The following DNER variants were observed in gnomAD, a reference collection of about 807,000 sequenced individuals.
DNER encodes the protein delta and Notch-like epidermal growth factor-related receptor.
In DNER, 33 loss-of-function variants were observed where a neutral mutation model predicts 78.2. That is an observed-to-expected ratio of 0.42 (90% CI 0.32 to 0.56). DNER has a LOEUF of 0.56. Among genes scored for constraint, DNER ranks in the 20% least tolerant of loss-of-function variants. DNER has a pLI of 0.11. For synonymous variants in DNER, 417 were observed against 384.8 expected (o/e 1.08, Z -0.98); for missense variants, 918 against 975.3 (o/e 0.94, Z 0.78).
intron 1 of DNER, among the ~76,000 whole-genome samples, chr2:229,663,534 A>G (rs768700334): frequency 4.6e-5 from 7 of 152,214 alleles, no homozygotes; most frequent in Non-Finnish European, 1.0e-4. Flanking sequence ...AAAATCAGGC[A>G]TCCCTTTCTC....
Position 229,588,422 on chromosome 2 carries a change from AG to A in DNER, c.651del (p.Phe218LeufsTer19), listed in dbSNP as rs759554406. Reference sequence around the variant, plus strand: ...ACTGAGGTGTTCTGTGGCACTTCAAAGGATACCAGGCGGCCACCCGCAGAGC... The same window carrying A: ...ACTGAGGTGTTCTGTGGCACTTCAAAGATACCAGGCGGCCACCCGCAGAGC... ...SNSSAGGRLV[S>X]FEVPQNTSVK... On this transcript the variant is annotated frameshift_variant, in exon 3 of 13. Coordinates refer to ENST00000341772, the MANE Select transcript of DNER (RefSeq NM_139072.4). LOFTEE classifies it high-confidence loss of function. 1 of 1,591,728 alleles carries A rather than the reference AG, an allele frequency of 6.3e-7. No homozygotes were observed.
chr2:229,628,248 C>T (rs531638909), intron 1 of DNER, among the ~76,000 whole-genome samples: 10 of 152,234 alleles, frequency 6.6e-5, no homozygotes, highest in African/African-American at 2.4e-4. Context: ...AGTACCAGGG[C>T]ACCAGCTGTA....
intron 12 of DNER, among the ~76,000 whole-genome samples, chr2:229,361,520 G>A (rs1425804821): frequency 1.3e-5 from 2 of 152,108 alleles, no homozygotes; most frequent in Non-Finnish European, 2.9e-5. Context: ...GCACAACAAA[G>A]GCTGAGTTGA....
At chr2:229,569,038 G>T (rs1171373199) in intron 4 of DNER, among the ~76,000 whole-genome samples, 1 of 151,910 alleles carries the variant, frequency 6.6e-6, no homozygotes, top group Admixed American at 6.6e-5. Context: ...CCTATGGATG[G>T]ATGCGTATCT....
chr2:229,639,641 C>T (rs1459149156), intron 1 of DNER, among the ~76,000 whole-genome samples: 1 of 152,152 alleles, frequency 6.6e-6, no homozygotes, highest in African/African-American at 2.4e-5. Flanking sequence ...TTCCTAAATG[C>T]ATTATAAAAC....
chr2:229,480,135 C>T (rs1041565910), intron 6 of DNER, among the ~76,000 whole-genome samples: 3 of 152,176 alleles, frequency 2.0e-5, no homozygotes, highest in African/African-American at 4.8e-5. Flanking sequence ...CAATCACTTC[C>T]TTTTTACTTT....
At chr2:229,550,956 T>C (rs1186383174) in intron 4 of DNER, among the ~76,000 whole-genome samples, 3 of 152,154 alleles carry the variant, frequency 2.0e-5, no homozygotes, top group Non-Finnish European at 4.4e-5. Context: ...ACTTCCCAAA[T>C]ATTTTCAATG....
intron 5 of DNER, among the ~76,000 whole-genome samples, chr2:229,528,640 G>A (rs1376336856): frequency 6.6e-6 from 1 of 152,144 alleles, no homozygotes; most frequent in Non-Finnish European, 1.5e-5. Context: ...AGATGATTTT[G>A]TACAAATATG....
chr2:229,699,191 C>T (rs1699706562), intron 1 of DNER, among the ~76,000 whole-genome samples: 1 of 151,628 alleles, frequency 6.6e-6, no homozygotes, highest in Non-Finnish European at 1.5e-5. Context: ...GAACACACGA[C>T]AATTATTAAA....
At chr2:229,507,327 C>G (rs759574214) in intron 6 of DNER, among the ~76,000 whole-genome samples, 2 of 151,582 alleles carry the variant, frequency 1.3e-5, no homozygotes, top group Non-Finnish European at 2.9e-5. Context: ...TGTACATGTA[C>G]ATGTACATGA....
chr2:229,388,438 A>G (rs551547290), intron 10 of DNER, 42 bp from the exon 11 acceptor site: 14 of 1,539,738 alleles, frequency 9.1e-6, no homozygotes, highest in South Asian at 8.6e-5. Flanking sequence ...CGCTGCACCC[A>G]TGGTTCCTGT....
intron 5 of DNER, among the ~76,000 whole-genome samples, chr2:229,541,059 TAAC>T (rs1696503162): frequency 6.6e-6 from 1 of 152,204 alleles, no homozygotes; most frequent in South Asian, 2.1e-4. Context: ...TTGAAATGAT[TAAC>T]AACATAATCC....
chr2:229,609,510 A>C (rs141816294), intron 1 of DNER, among the ~76,000 whole-genome samples: 165 of 152,344 alleles, frequency 1.1e-3, no homozygotes, highest in Middle Eastern at 0.01. Context: ...TTCGTTTTAC[A>C]TATTATCTGG....
At chr2:229,401,437 C>T (rs1299735633) in intron 10 of DNER, among the ~76,000 whole-genome samples, 1 of 151,974 alleles carries the variant, frequency 6.6e-6, no homozygotes. Flanking sequence ...TTCCTTTCAA[C>T]AGGGGACTGG....
At chr2:229,465,224 T>C (rs1694779677) in intron 7 of DNER, among the ~76,000 whole-genome samples, 1 of 152,170 alleles carries the variant, frequency 6.6e-6, no homozygotes. Context: ...ATGTGGTACA[T>C]ATACACCATG....
chr2:229,380,552 A>G (rs2106332174), intron 11 of DNER, among the ~76,000 whole-genome samples: 1 of 152,332 alleles, frequency 6.6e-6, no homozygotes. Context: ...TCGGCTATGA[A>G]AGATCAAATT....
chr2:229,448,213 G>A (rs781081309), intron 7 of DNER, among the ~76,000 whole-genome samples: 5 of 151,950 alleles, frequency 3.3e-5, no homozygotes, highest in Non-Finnish European at 5.9e-5. Context: ...CTGACACATC[G>A]TATGACATGA....
chr2:229,690,399 C>T (rs1434447027), intron 1 of DNER, among the ~76,000 whole-genome samples: 1 of 152,198 alleles, frequency 6.6e-6, no homozygotes, highest in Admixed American at 6.5e-5. Context: ...TTGGAAAAGT[C>T]ACTTAACCTT....
At chr2:229,582,428 T>C (rs753514142) in intron 4 of DNER, among the ~76,000 whole-genome samples, 1 of 151,934 alleles carries the variant, frequency 6.6e-6, no homozygotes, top group African/African-American at 2.4e-5. Context: ...TGGCTACCTT[T>C]GAAGAGAATA....
Sources: allele counts gnomAD v4.1 joint callset (sites outside exome capture counted in the v4.1 genomes callset), GRCh38; gene constraint gnomAD v4.1.1; transcripts MANE v1.5; gene names NCBI Gene and HGNC (gene_info 2026-07-23, HGNC 2026-07-21).